Variants in STIM2 observed in about 807,000 individuals in gnomAD.
STIM2 encodes the protein stromal interaction molecule 2.
STIM2 carries 31 observed loss-of-function variants against 85.8 expected under a neutral mutation model. The ratio of observed to expected loss-of-function variants is 0.36; its 90% CI spans 0.27 to 0.49. The LOEUF (loss-of-function observed/expected upper bound fraction) is 0.49, where lower values mean the gene tolerates loss of function less well. Among genes scored for constraint, STIM2 ranks in the 20% least tolerant of loss-of-function variants. STIM2 has a pLI of 0.98. For synonymous variants in STIM2, 356 were observed against 331.1 expected (o/e 1.08, Z -0.82); for missense variants, 841 against 927.6 (o/e 0.91, Z 1.21).
intron 1 of STIM2, among the ~76,000 whole-genome samples, chr4:26,862,433 A>C (rs1722252466): frequency 6.6e-6 from 1 of 152,108 alleles, no homozygotes; most frequent in Non-Finnish European, 1.5e-5. Context: ...TGATTAATTT[A>C]ACCAAAATGA....
intron 2 of STIM2, among the ~76,000 whole-genome samples, chr4:26,942,044 A>G (rs1425881689): frequency 2.0e-5 from 3 of 151,886 alleles, no homozygotes; most frequent in Admixed American, 1.3e-4. Context: ...TTTATTTCCC[A>G]TACTTGGTGA....
chr4:26,910,566 T>TA (rs1724299617), intron 1 of STIM2, among the ~76,000 whole-genome samples: 1 of 151,526 alleles, frequency 6.6e-6, no homozygotes, highest in Non-Finnish European at 1.5e-5. Context: ...CAAACTAAAA[T>TA]AAAAAAATTA....
intron 3 of STIM2, among the ~76,000 whole-genome samples, chr4:26,965,453 T>C (rs1266591946): frequency 6.6e-6 from 1 of 152,134 alleles, no homozygotes; most frequent in African/African-American, 2.4e-5. Flanking sequence ...GTTTGCTCCC[T>C]TTTCCCTTTA....
chr4:26,885,672 G>A (rs796537191), intron 1 of STIM2, among the ~76,000 whole-genome samples: 1 of 151,146 alleles, frequency 6.6e-6, no homozygotes, highest in African/African-American at 2.4e-5. Context: ...TTTATGTTTT[G>A]CCTGGGTGAA....
intron 3 of STIM2, among the ~76,000 whole-genome samples, chr4:26,980,080 TA>T (rs1727328545): frequency 6.6e-6 from 1 of 152,166 alleles, no homozygotes; most frequent in African/African-American, 2.4e-5. Context: ...TTCTTTAAAT[TA>T]ATAGAATGCA....
At chr4:26,891,207 A>T (rs139573348) in intron 1 of STIM2, among the ~76,000 whole-genome samples, 75 of 152,298 alleles carry the variant, frequency 4.9e-4, no homozygotes, top group Admixed American at 2.1e-3. Context: ...TGTAGATATG[A>T]TTAGTATCTG....
At chr4:26,947,244 TAGAG>T (rs764705153) in intron 2 of STIM2, among the ~76,000 whole-genome samples, 5 of 152,144 alleles carry the variant, frequency 3.3e-5, no homozygotes, top group East Asian at 3.8e-4. Context: ...TCTGTTTTAT[TAGAG>T]AGAACACTGA....
chr4:26,963,963 T>A (rs1726583727), intron 3 of STIM2, among the ~76,000 whole-genome samples: 18 of 152,232 alleles, frequency 1.2e-4, no homozygotes, highest in Admixed American at 1.2e-3. Context: ...CTTAGTTCTG[T>A]CATCTGTTAA....
chr4:26,951,368 C>T (rs909161781), intron 2 of STIM2, among the ~76,000 whole-genome samples: 10 of 152,156 alleles, frequency 6.6e-5, no homozygotes, highest in Non-Finnish European at 1.3e-4. Flanking sequence ...GTCTTTTCAA[C>T]TCAGGGAAAC....
At chr4:26,911,363 T>C (rs1343144405) in intron 1 of STIM2, among the ~76,000 whole-genome samples, 1 of 152,224 alleles carries the variant, frequency 6.6e-6, no homozygotes, top group Admixed American at 6.5e-5. Context: ...GGGAAACTAC[T>C]TTGTTTTTGC....
At chr4:26,965,556 G>A (rs1726685738) in intron 3 of STIM2, among the ~76,000 whole-genome samples, 1 of 152,000 alleles carries the variant, frequency 6.6e-6, no homozygotes, top group African/African-American at 2.4e-5. Flanking sequence ...TCTTATGTTA[G>A]CATTTTAGTG....
At chr4:26,973,738 T>C (rs1353196679) in intron 3 of STIM2, among the ~76,000 whole-genome samples, 1 of 152,208 alleles carries the variant, frequency 6.6e-6, no homozygotes, top group African/African-American at 2.4e-5. Context: ...GAGAGTTCTG[T>C]AGATGTCTAT....
At chr4:26,988,327 G>T (rs1311728799) in intron 3 of STIM2, among the ~76,000 whole-genome samples, 2 of 152,152 alleles carry the variant, frequency 1.3e-5, no homozygotes, top group Non-Finnish European at 2.9e-5. Context: ...ATCTGGAAAT[G>T]AATGGATAGA....
At chr4:26,963,935 T>G (rs756620871) in intron 3 of STIM2, among the ~76,000 whole-genome samples, 4 of 152,234 alleles carry the variant, frequency 2.6e-5, no homozygotes, top group Non-Finnish European at 4.4e-5. Flanking sequence ...TACCATGTAG[T>G]GCATAACCAT....
At chr4:26,980,144 A>G (rs900354458) in intron 3 of STIM2, among the ~76,000 whole-genome samples, 1 of 152,188 alleles carries the variant, frequency 6.6e-6, no homozygotes, top group African/African-American at 2.4e-5. Context: ...GTGTAGACTA[A>G]AGGCATGTAT....
intron 1 of STIM2, among the ~76,000 whole-genome samples, chr4:26,891,721 A>G (rs1723498454): frequency 6.6e-6 from 1 of 152,150 alleles, no homozygotes; most frequent in Admixed American, 6.5e-5. Flanking sequence ...GGCCTACTAG[A>G]CATTCTGTCT....
At chr4:26,909,547 T>C (rs71612814) in intron 1 of STIM2, among the ~76,000 whole-genome samples, 13,707 of 152,260 alleles carry the variant, frequency 0.09, 769 homozygotes, top group East Asian at 0.18. Flanking sequence ...AACAACGTAT[T>C]GCACTTGGAT....
intron 2 of STIM2, among the ~76,000 whole-genome samples, chr4:26,952,414 A>G (rs542292666): frequency 6.6e-6 from 1 of 152,288 alleles, no homozygotes; most frequent in South Asian, 2.1e-4. Context: ...AAATCAAGGT[A>G]AAAATTCAGC....
chr4:26,973,926 A>T (rs990253342), intron 3 of STIM2, among the ~76,000 whole-genome samples: 1 of 152,142 alleles, frequency 6.6e-6, no homozygotes, highest in Non-Finnish European at 1.5e-5. Context: ...TTGCTCCTGT[A>T]TTGGGTGCAT....
Sources: allele counts gnomAD v4.1 joint callset (sites outside exome capture counted in the v4.1 genomes callset), GRCh38; gene constraint gnomAD v4.1.1; transcripts MANE v1.5; gene names NCBI Gene and HGNC (gene_info 2026-07-23, HGNC 2026-07-21).